EYS: variants seen among roughly 807,000 people sequenced by gnomAD.
The protein encoded by EYS is EGF-like photoreceptor maintenance factor.
In EYS, 250 loss-of-function variants were observed where a neutral mutation model predicts 282.1. The ratio of observed to expected loss-of-function variants is 0.89; its 90% confidence interval spans 0.80 to 0.98. The LOEUF (loss-of-function observed/expected upper bound fraction) is 0.98. Among genes scored for constraint, EYS ranks in the 50% least tolerant of loss-of-function variants. EYS has a pLI of 0.00. For missense variants in EYS, 4,016 were observed against 3,709.0 expected, an observed-to-expected ratio of 1.08 and a Z score of -2.15; for synonymous variants, 1,355 against 1,282.9, an observed-to-expected ratio of 1.06 and a Z score of -1.20.
chr6:63,793,784 T>TGTC (rs1770575363), intron 37 of EYS, among the ~76,000 whole-genome samples: 1 of 152,214 alleles, frequency 6.6e-6, no homozygotes, highest in Non-Finnish European at 1.5e-5. Flanking sequence ...ATTATGTAGC[T>TGTC]GTCTCTCCTT....
intron 12 of EYS, among the ~76,000 whole-genome samples, chr6:65,063,793 G>C (rs1002863994): frequency 2.6e-5 from 4 of 151,900 alleles, no homozygotes; most frequent in Non-Finnish European, 4.4e-5. Flanking sequence ...AATAGCCATT[G>C]GCTCAAAGTT....
intron 22 of EYS, among the ~76,000 whole-genome samples, chr6:64,742,033 T>A (rs1772391455): frequency 6.6e-6 from 1 of 152,202 alleles, no homozygotes; most frequent in Non-Finnish European, 1.5e-5. Flanking sequence ...AGGCCCAGAT[T>A]TCAGCCTGTC....
intron 35 of EYS, among the ~76,000 whole-genome samples, chr6:63,925,971 G>A (rs1030919568): frequency 7.9e-5 from 12 of 152,158 alleles, no homozygotes; most frequent in African/African-American, 2.7e-4. Flanking sequence ...AGCACCGCAT[G>A]CATTAGCTAT....
chr6:63,783,577 G>A (rs768290627), intron 39 of EYS, among the ~76,000 whole-genome samples: 2 of 152,078 alleles, frequency 1.3e-5, no homozygotes, highest in South Asian at 4.1e-4. Context: ...ACATTCTCTA[G>A]GTATATAATT....
intron 1 of EYS, among the ~76,000 whole-genome samples, chr6:65,700,062 C>T (rs898273301): frequency 8.1e-6 from 1 of 122,796 alleles, no homozygotes; most frequent in Non-Finnish European, 1.6e-5. Flanking sequence ...TTGCAGTGAG[C>T]GGAGATCGTG....
intron 12 of EYS, among the ~76,000 whole-genome samples, chr6:65,187,081 T>C (rs923549065): frequency 1.3e-5 from 2 of 151,766 alleles, no homozygotes; most frequent in Admixed American, 6.6e-5. Context: ...AGCAGTCTGG[T>C]CACATGAAAC....
intron 15 of EYS, among the ~76,000 whole-genome samples, chr6:64,938,095 T>C (rs1385607656): frequency 6.6e-6 from 1 of 151,538 alleles, no homozygotes; most frequent in African/African-American, 2.4e-5. Context: ...GAAAGTCGAT[T>C]AGGGGGACTT....
At chr6:64,993,920 T>C (rs1771163171) in intron 14 of EYS, among the ~76,000 whole-genome samples, 1 of 151,116 alleles carries the variant, frequency 6.6e-6, no homozygotes, top group Admixed American at 6.6e-5. Flanking sequence ...TTTATATATA[T>C]ATATTTATAT....
intron 2 of EYS, among the ~76,000 whole-genome samples, chr6:65,524,368 C>T (rs1767481089): frequency 1.3e-5 from 2 of 152,164 alleles, no homozygotes; most frequent in Admixed American, 6.5e-5. Flanking sequence ...TTTAGGCCAG[C>T]AGAGCACAAG....
chr6:65,372,864 A>C (rs925174988), intron 8 of EYS, among the ~76,000 whole-genome samples: 2 of 152,000 alleles, frequency 1.3e-5, no homozygotes, highest in African/African-American at 2.4e-5. Context: ...GGGTTTTTTT[A>C]TCTCCTCATA....
At chr6:64,768,289 T>G (rs1166848941) in intron 22 of EYS, among the ~76,000 whole-genome samples, 3 of 152,106 alleles carry the variant, frequency 2.0e-5, no homozygotes, top group Non-Finnish European at 4.4e-5. Context: ...TTTGAGAAAT[T>G]TCCTTTTTTT....
At chr6:65,050,135 A>G (rs1773225585) in intron 13 of EYS, among the ~76,000 whole-genome samples, 1 of 151,470 alleles carries the variant, frequency 6.6e-6, no homozygotes, top group Admixed American at 6.6e-5. Context: ...AAATAAAAAT[A>G]AGAGAAAGGA....
chr6:65,567,879 T>A (rs1582465417), intron 2 of EYS, among the ~76,000 whole-genome samples: 1 of 152,160 alleles, frequency 6.6e-6, no homozygotes, highest in East Asian at 1.9e-4. Context: ...AGCTTGCTAA[T>A]GTTGTGGCTC....
chr6:64,551,600 A>G (rs1765085163), intron 26 of EYS, among the ~76,000 whole-genome samples: 1 of 146,952 alleles, frequency 6.8e-6, no homozygotes, highest in Non-Finnish European at 1.5e-5. Context: ...GCAGTGGTGC[A>G]ATCTTGACTC....
chr6:64,119,654 G>A (rs1361922895), intron 31 of EYS, among the ~76,000 whole-genome samples: 1 of 152,178 alleles, frequency 6.6e-6, no homozygotes, highest in Non-Finnish European at 1.5e-5. Flanking sequence ...TGAAGAAATT[G>A]TGTAGCAAAA....
At chr6:63,927,063 G>A (rs1003760082) in intron 35 of EYS, among the ~76,000 whole-genome samples, 4 of 152,194 alleles carry the variant, frequency 2.6e-5, no homozygotes, top group Non-Finnish European at 5.9e-5. Flanking sequence ...CTAATAAAAT[G>A]GACATGGTCT....
intron 24 of EYS, among the ~76,000 whole-genome samples, chr6:64,599,103 C>A (rs534329991): frequency 5.3e-5 from 8 of 152,070 alleles, no homozygotes; most frequent in Non-Finnish European, 1.2e-4. Flanking sequence ...AATGTGGCTT[C>A]TTTACTTGTT....
chr6:64,387,717 A>G (rs1374425657), intron 29 of EYS, among the ~76,000 whole-genome samples: 1 of 152,168 alleles, frequency 6.6e-6, no homozygotes, highest in Non-Finnish European at 1.5e-5. Flanking sequence ...AAAGTCACAA[A>G]TATCTGTTTA....
At chr6:64,692,629 A>G (rs1770429332) in intron 22 of EYS, among the ~76,000 whole-genome samples, 1 of 152,160 alleles carries the variant, frequency 6.6e-6, no homozygotes, top group Non-Finnish European at 1.5e-5. Flanking sequence ...TTTTTGACTC[A>G]TGATTTAAAA....
Sources: allele counts gnomAD v4.1 joint callset (sites outside exome capture counted in the v4.1 genomes callset), GRCh38; gene constraint gnomAD v4.1.1; transcripts MANE v1.5; gene names NCBI Gene and HGNC (gene_info 2026-07-23, HGNC 2026-07-21).